LEKR1: variants seen among roughly 807,000 people sequenced by gnomAD.
The protein encoded by LEKR1 is leucine, glutamate and lysine rich 1, also known as protein LEKR1.
In LEKR1, 59 loss-of-function variants were observed where a neutral mutation model predicts 72.4. The observed-to-expected ratio is 0.82, with a 90% confidence interval of 0.66 to 1.01. LEKR1 has a LOEUF of 1.01. Among genes scored for constraint, LEKR1 ranks in the 50% least tolerant of loss-of-function variants. The probability of loss-of-function intolerance (pLI) is 0.00; values close to 1 mark genes in which losing one functional copy is unlikely to be tolerated. For synonymous variants in LEKR1, 257 were observed against 263.2 expected, an observed-to-expected ratio of 0.98 and a Z score of 0.23; for missense variants, 728 against 759.2, an observed-to-expected ratio of 0.96 and a Z score of 0.48.
At chr3:156,956,117 A>G (rs916928421) in intron 6 of LEKR1, among the ~76,000 whole-genome samples, 5 of 151,946 alleles carry the variant, frequency 3.3e-5, no homozygotes, top group Non-Finnish European at 5.9e-5. Flanking sequence ...GGGTGGAAGA[A>G]CCAGGCTGAG....
intron 2 of LEKR1, among the ~76,000 whole-genome samples, chr3:156,852,016 G>A (rs1715425289): frequency 6.6e-6 from 1 of 152,190 alleles, no homozygotes; most frequent in African/African-American, 2.4e-5. Flanking sequence ...TTATCTGAAG[G>A]AAGGAAGAGG....
Position 157,028,348 on chromosome 3 carries a change from A to G in LEKR1, c.1614A>G (p.Arg538=). ...EMEQKSDELK[R]VMLAQTQLIE... Reference sequence around the variant, plus strand: ...AACAGAAGTCGGATGAACTGAAAAGAGTAATGCTGGCTCAAACACAACTGA... The same window carrying G: ...AACAGAAGTCGGATGAACTGAAAAGGGTAATGCTGGCTCAAACACAACTGA... Residue 538 remains arginine (R), a synonymous_variant, in exon 12 of 13, where the codon AGA becomes AGG. Coordinates refer to ENST00000356539, the MANE Select transcript of LEKR1 (RefSeq NM_001004316.3). The G allele has an allele frequency of 1.2e-6, 2 of 1,612,988 alleles. No individual in the cohort carries two copies. Among genetic ancestry groups the G allele is most frequent in the Non-Finnish European group, 1.7e-6 (2 of 1,179,528 alleles).
At chr3:157,016,573 A>T (rs1394378033) in intron 10 of LEKR1, among the ~76,000 whole-genome samples, 4 of 152,126 alleles carry the variant, frequency 2.6e-5, no homozygotes, top group African/African-American at 9.7e-5. Flanking sequence ...CGCTATAAAA[A>T]ATGTTAAAAG....
At chr3:156,832,215 C>G (rs905702879) in intron 2 of LEKR1, among the ~76,000 whole-genome samples, 1 of 133,578 alleles carries the variant, frequency 7.5e-6, no homozygotes, top group African/African-American at 3.7e-5. Flanking sequence ...AATAATGAGC[C>G]CCAACATAAG....
At chr3:156,901,484 G>T (rs954806737) in intron 3 of LEKR1, among the ~76,000 whole-genome samples, 1 of 152,078 alleles carries the variant, frequency 6.6e-6, no homozygotes, top group Non-Finnish European at 1.5e-5. Flanking sequence ...ATGGTATCAT[G>T]TACGTAGTGG....
rs368794913 is a variant in LEKR1 at position 156,926,809 on chromosome 3, A to C, written c.384-620A>C. Among the ~76,000 whole-genome samples, 38 of 152,028 alleles carry C rather than the reference A, an allele frequency of 2.5e-4. No individual in the cohort carries two copies. In the East Asian group the frequency reaches 4.4e-3, roughly 18 times the overall value. On this transcript the variant is annotated intron_variant, in intron 4 of 12. Transcript: ENST00000356539. ...TCTACTCAGGGATGTAAATATTGAC[A>C]AAATAATTATACTCTCATGGCTTCA...
intron 7 of LEKR1, among the ~76,000 whole-genome samples, chr3:156,984,809 A>G (rs1730535484): frequency 6.6e-6 from 1 of 152,016 alleles, no homozygotes; most frequent in Non-Finnish European, 1.5e-5. Flanking sequence ...CCTACTGCTC[A>G]TTTAACTGAT....
rs142352070 is a variant in LEKR1, at chr3:156,837,417, G to A, written c.48+8040G>A. Among the ~76,000 whole-genome samples the A allele has an allele frequency of 6.3e-3, 959 of 152,334 alleles. 11 individuals carry two copies. The highest frequency in any genetic ancestry group is 0.022 in the African/African-American group (918 of 41,568). ...GCCCTTTGGATGGTGGAGACTGAGA[G>A]TGTACCTCCACATGGTCAACAGAGT... is the stretch of plus-strand genomic sequence containing the variant. On this transcript the variant is annotated intron_variant, in intron 2 of 12. Transcript: ENST00000356539.
chr3:156,884,486 T>C (rs1331192284), intron 3 of LEKR1, among the ~76,000 whole-genome samples: 1 of 152,190 alleles, frequency 6.6e-6, no homozygotes, highest in African/African-American at 2.4e-5. Context: ...AGTGGTAAAT[T>C]CTCTCAGGAT....
Position 156,846,260 on chromosome 3 carries a change from A to G in LEKR1, c.49-6508A>G, listed in dbSNP as rs573863368. Among the ~76,000 whole-genome samples, 7 of 152,268 alleles carry G rather than the reference A, an allele frequency of 4.6e-5. No individual in the cohort carries two copies. The East Asian group carries it at 1.3e-3, about 29-fold the overall frequency. On this transcript the variant is annotated intron_variant, in intron 2 of 12. Transcript: ENST00000356539. ...CTATGTAGATAATTATGCCATCTCA[A>G]TTAAGGAGAGTTTTATTTTTTCCTT...
At chr3:156,920,471 TTTC>T in intron 3 of LEKR1, 101 bp from the exon 4 acceptor site, 2 of 716,316 alleles carry the variant, frequency 2.8e-6, no homozygotes, top group East Asian at 6.1e-5. Flanking sequence ...AGAGACATAG[TTTC>T]TTCTTCTACT....
At chr3:156,937,809 A>G (rs1307799532) in intron 5 of LEKR1, among the ~76,000 whole-genome samples, 1 of 152,228 alleles carries the variant, frequency 6.6e-6, no homozygotes, top group Non-Finnish European at 1.5e-5. Flanking sequence ...CTATGTCCAT[A>G]TCATGTAATA....
intron 5 of LEKR1, among the ~76,000 whole-genome samples, chr3:156,939,889 A>G (rs1373405498): frequency 6.6e-6 from 1 of 152,214 alleles, no homozygotes; most frequent in African/African-American, 2.4e-5. Context: ...AATTAGGCTT[A>G]GAAATGTAGT....
chr3:156,995,053 G>A (rs1458118464), intron 9 of LEKR1, among the ~76,000 whole-genome samples: 2 of 152,236 alleles, frequency 1.3e-5, no homozygotes, highest in Non-Finnish European at 2.9e-5. Context: ...GATAGGTCCA[G>A]TGAAAATAAG....
chr3:156,886,186 G>A (rs909210472), intron 3 of LEKR1, among the ~76,000 whole-genome samples: 1 of 152,088 alleles, frequency 6.6e-6, no homozygotes, highest in African/African-American at 2.4e-5. Flanking sequence ...TTTCAGAGGG[G>A]ATCTTGGCTG....
intron 6 of LEKR1, among the ~76,000 whole-genome samples, chr3:156,973,883 T>C (rs1283411679): frequency 2.0e-5 from 3 of 152,208 alleles, no homozygotes; most frequent in Admixed American, 2.0e-4. Flanking sequence ...GAATATTAGC[T>C]GCTTCTAATA....
At chr3:156,988,691 C>T (rs1490863565) in intron 7 of LEKR1, 3 of 233,634 alleles carry the variant, frequency 1.3e-5, no homozygotes, top group Non-Finnish European at 2.9e-5. Flanking sequence ...AAGCAAAGCA[C>T]TTGTTTGTCT....
intron 3 of LEKR1, among the ~76,000 whole-genome samples, chr3:156,913,893 G>A (rs548306996): frequency 6.6e-6 from 1 of 152,048 alleles, no homozygotes; most frequent in South Asian, 2.1e-4. Flanking sequence ...AATTTTTTTA[G>A]GAGAAAATGA....
rs779449935 is a variant in LEKR1, at chr3:157,045,513, C to CA, written c.1843dup (p.Ser615LysfsTer2). On this transcript the variant is annotated frameshift_variant, in exon 13 of 13. Transcript: ENST00000356539. LOFTEE classifies it low-confidence loss of function (END_TRUNC). ...GCCTAACCTCCCCTGCTGCAGCAGT[C>CA]AGTAATCATGGAGAGAGAAGCCTTG... 4 of 1,614,114 alleles carry CA rather than the reference C, an allele frequency of 2.5e-6. No individual in the cohort carries two copies. The South Asian group carries it at 4.4e-5, about 18-fold the overall frequency.
Sources: allele counts gnomAD v4.1 joint callset (sites outside exome capture counted in the v4.1 genomes callset), GRCh38; gene constraint gnomAD v4.1.1; transcripts MANE v1.5; gene names NCBI Gene and HGNC (gene_info 2026-07-23, HGNC 2026-07-21).